Variants in BTNL2 observed in about 807,000 individuals in gnomAD.
BTNL2 encodes the protein butyrophilin-like protein 2.
Under a neutral mutation model 46.8 loss-of-function variants are expected in BTNL2, and 46 were observed. The observed-to-expected ratio is 0.98, with a 90% CI of 0.78 to 1.26. BTNL2 has a LOEUF of 1.26. Among genes scored for constraint, BTNL2 ranks in the 50% most tolerant of loss-of-function variants. The pLI is 0.00. For missense variants in BTNL2, 461 were observed against 592.6 expected (o/e 0.78, Z 2.31); for synonymous variants, 226 against 229.1 (o/e 0.99, Z 0.12).
At position 32,396,298 on chromosome 6, in the gene BTNL2, C is replaced by A. The variant is rs987041303; in HGVS notation, c.819G>T (p.Ala273=). 5 of 1,612,916 alleles carry A rather than the reference C, an allele frequency of 3.1e-6. No homozygotes were observed. The Admixed American group carries it at 5.0e-5, about 16-fold the overall frequency. ...IQLTCYLSPK[A]NAQSMEVRWD... ...ACCTCACCTCCATGCTCTGTGCATTCGCCTTGGGGGACAGGTAACAGGTTA... is the reference window on the plus strand; with the variant it reads ...ACCTCACCTCCATGCTCTGTGCATTAGCCTTGGGGGACAGGTAACAGGTTA... Residue 273 remains alanine, a synonymous_variant, in exon 5 of 8, where the codon GCG becomes GCT. Transcript: ENST00000454136. This position sits in a 1 kb window ranked among gnomAD's most constrained non-coding sequence, Gnocchi z 4.4.
chr6:32,396,491 G>C lies in BTNL2; in HGVS notation c.731-105C>G. ...GAGTTTAGAAACCATGAGCATCCCAGGGTTGCTGTGAGGCTCAGGGTCATC... is the reference window on the plus strand; with the variant it reads ...GAGTTTAGAAACCATGAGCATCCCACGGTTGCTGTGAGGCTCAGGGTCATC... On this transcript the variant is annotated intron_variant, in intron 4 of 7. Coordinates refer to ENST00000454136, the MANE Select transcript of BTNL2 (RefSeq NM_001304561.2). This position sits in a 1 kb window ranked among gnomAD's most constrained non-coding sequence, Gnocchi z 4.4. 8.6e-7 allele frequency: 1 copy of C among 1,163,482 alleles called. No individual in the cohort carries two copies. Among genetic ancestry groups the C allele is most frequent in the Non-Finnish European group, 1.2e-6 (1 of 807,506 alleles). The allele number at this position is 1,163,482 out of a possible 1,614,324, so 72.1% of individuals were successfully genotyped here.
rs899790495 is a variant in BTNL2 at position 32,396,900 on chromosome 6, A to T, written c.731-514T>A. Among the ~76,000 whole-genome samples the T allele has an allele frequency of 5.3e-5, 8 of 152,064 alleles. No homozygotes were observed. The highest frequency in any genetic ancestry group is 1.9e-4 in the African/African-American group (8 of 41,444). On this transcript the variant is annotated intron_variant, in intron 4 of 7. Transcript: ENST00000454136. This position sits in a 1 kb window ranked among gnomAD's most constrained non-coding sequence, Gnocchi z 4.4. ...GAGGCTGAGGTGGAAAAATTGCTCG[A>T]ACCCGGGAGGCAGAGGTTGCAGTGA...
chr6:32,395,909 G>A, intron 5 of BTNL2, 130 bp downstream of exon 5: 1 of 716,532 alleles, frequency 1.4e-6, no homozygotes, highest in African/African-American at 1.8e-5. Flanking sequence ...CACACTGGAG[G>A]ATTTGATATA....
chr6:32,404,822 C>A, intron 2 of BTNL2, 117 bp downstream of exon 2: 1 of 971,008 alleles, frequency 1.0e-6, no homozygotes, highest in Non-Finnish European at 1.6e-6. Flanking sequence ...GGGTAGAGGA[C>A]TAAGCATTAG....
intron 4 of BTNL2, among the ~76,000 whole-genome samples, chr6:32,401,207 CAAAAAAAAAAA>C (rs9279632): frequency 1.5e-4 from 6 of 38,918 alleles, no homozygotes; most frequent in Non-Finnish European, 2.4e-4. Flanking sequence ...GACTCCGTCT[CAAAAAAAAAAA>C]AAAAAAAAAA....
chr6:32,398,905 A>G (rs117476307), intron 4 of BTNL2, among the ~76,000 whole-genome samples: 2,533 of 150,336 alleles, frequency 0.017, 74 homozygotes, highest in East Asian at 0.11. Context: ...CTTGGGAGCC[A>G]CTATGCCTAA....
chr6:32,396,250 A>G lies in BTNL2; in HGVS notation c.867T>C (p.Pro289=), dbSNP rs1327028788. The G allele has an allele frequency of 6.2e-7, 1 of 1,613,096 alleles. No homozygotes were observed. The highest frequency in any genetic ancestry group is 1.3e-5 in the African/African-American group (1 of 75,058). The change falls in exon 5 of 8, where the codon CCT becomes CCC. Residue 289 remains proline, a synonymous_variant. Transcript: ENST00000454136. The surrounding 1 kb of genome is among the most constrained non-coding windows in gnomAD (Gnocchi z 4.4). ...EVRWDRSHRY[P]AVHVYMDGDH... ...CCCCATCCATATACACATGCACAGC[A>G]GGGTAACGGTGGGATCGGTCCCACC...
At chr6:32,404,542 T>G (rs1776992970) in intron 2 of BTNL2, among the ~76,000 whole-genome samples, 1 of 152,234 alleles carries the variant, frequency 6.6e-6, no homozygotes, top group Non-Finnish European at 1.5e-5. Flanking sequence ...ACGTCTCAGT[T>G]TCTGCATAGA....
rs1169742564 is a variant in BTNL2, at chr6:32,396,616, T to G, written c.731-230A>C. On this transcript the variant is annotated intron_variant, in intron 4 of 7. Transcript: ENST00000454136. This position sits in a 1 kb window ranked among gnomAD's most constrained non-coding sequence, Gnocchi z 4.4. ...GTGTCAGTCTGAGTAAAACAGTAAT[T>G]GAATCCCTACCTGCTTCTACCTGTA... Among the ~76,000 whole-genome samples the G allele has an allele frequency of 6.6e-6, 1 of 152,126 alleles. No individual in the cohort carries two copies. The highest frequency in any genetic ancestry group is 1.5e-5 in the Non-Finnish European group (1 of 68,002).
At chr6:32,400,912 CA>C (rs760395296) in intron 4 of BTNL2, among the ~76,000 whole-genome samples, 8,097 of 93,626 alleles carry the variant, frequency 0.086, 439 homozygotes, top group Admixed American at 0.12. Context: ...GACTCCGTCT[CA>C]AAAAAAAAAA....
At position 32,405,023 on chromosome 6, in the gene BTNL2, G is replaced by A; in HGVS notation, c.343C>T (p.Gln115Ter). 1 of 1,613,060 alleles carries A rather than the reference G, an allele frequency of 6.2e-7. No individual in the cohort carries two copies. The highest frequency in any genetic ancestry group is 2.2e-5 in the East Asian group (1 of 44,878). ...GNVALKIHNI[Q>*]PSDNGQYWCH... ...CAGTATTGTCCATTGTCGGAGGGCT[G>A]GATGTTGTGTATCTTCAGTGCCACA... Residue 115 changes from glutamine to a stop codon, truncating the protein, a stop_gained, in exon 2 of 8, where the codon CAG (glutamine) becomes TAG (stop). Coordinates refer to ENST00000454136, the MANE Select transcript of BTNL2 (RefSeq NM_001304561.2). LOFTEE classifies it high-confidence loss of function.
Position 32,396,817 on chromosome 6 carries a change from C to A in BTNL2, c.731-431G>T, listed in dbSNP as rs1583255148. 6.7e-6 allele frequency among the ~76,000 whole-genome samples: 1 copy of A among 148,488 alleles called. No homozygotes were observed. Among genetic ancestry groups the A allele is most frequent in the South Asian group, 2.6e-4 (1 of 3,890 alleles). The stretch of plus-strand genomic sequence containing the variant: ...CCAACATGGTGAAACCCCGTCTCTA[C>A]AGAAATACAAAAATTAGTCGGGCAT... On this transcript the variant is annotated intron_variant, in intron 4 of 7. Transcript: ENST00000454136. The surrounding 1 kb of genome is among the most constrained non-coding windows in gnomAD (Gnocchi z 4.4).
chr6:32,403,128 C>T lies in BTNL2; in HGVS notation c.516G>A (p.Glu172=). Reference sequence around the variant, plus strand: ...GGATGTCTTCCCAATACACCTGGGGCTCTGGGAACCAGCCCCTTGCAGTGC... The same window carrying T: ...GGATGTCTTCCCAATACACCTGGGGTTCTGGGAACCAGCCCCTTGCAGTGC... ...LVCTARGWFP[E]PQVYWEDIRG... Residue 172 remains glutamate (E), a synonymous_variant, in exon 3 of 8, where the codon GAG becomes GAA. Transcript: ENST00000454136. 6.2e-7 allele frequency: 1 copy of T among 1,612,840 alleles called. No homozygotes were observed. The highest frequency in any genetic ancestry group is 8.5e-7 in the Non-Finnish European group (1 of 1,179,902).
In BTNL2 at chr6:32,396,069, G is replaced by T. The variant is rs1368457419; in HGVS notation, c.1048C>A (p.Gln350Lys). ...ACCTTCAGATCCAAACTGGCCTCCT[G>T]GTAGACATCATCTTTTTCAAAAAGG... ...RCLFEKDDVYQEASLDLKVVS... is the reference protein window; with the variant it reads ...RCLFEKDDVYKEASLDLKVVS... The change falls in exon 5 of 8, where the codon CAG (glutamine) becomes AAG (lysine). Residue 350 changes from glutamine to lysine, a missense_variant. Transcript: ENST00000454136. This position sits in a 1 kb window ranked among gnomAD's most constrained non-coding sequence, Gnocchi z 4.4. 1.2e-6 allele frequency: 2 copies of T among 1,612,878 alleles called. No homozygotes were observed. The highest frequency in any genetic ancestry group is 1.7e-6 in the Non-Finnish European group (2 of 1,179,978).
At position 32,403,030 on chromosome 6, in the gene BTNL2, G is replaced by T. The variant is rs1776882777; in HGVS notation, c.614C>A (p.Thr205Asn). The change falls in exon 3 of 8, where the codon ACC (threonine) becomes AAC (asparagine). Residue 205 changes from threonine (T) to asparagine (N), a missense_variant. Transcript: ENST00000454136. ...TGCAGAGGCGTTCCTGACCACCAGGGTGGCTTCCGCATAGAACAGGCCATC... is the reference window on the plus strand; with the variant it reads ...TGCAGAGGCGTTCCTGACCACCAGGTTGGCTTCCGCATAGAACAGGCCATC... The part of the protein sequence containing the change: ...DKDGLFYAEA[T>N]LVVRNASAES... 1 of 1,612,774 alleles carries T rather than the reference G, an allele frequency of 6.2e-7. No homozygotes were observed. The highest frequency in any genetic ancestry group is 1.7e-5 in the Admixed American group (1 of 60,002).
chr6:32,402,369 G>A (rs1401633925), intron 3 of BTNL2, among the ~76,000 whole-genome samples: 1 of 152,006 alleles, frequency 6.6e-6, no homozygotes, highest in African/African-American at 2.4e-5. Flanking sequence ...TCAATTTATA[G>A]GTAGATGTCA....
chr6:32,395,857 T>C (rs1230007765), intron 5 of BTNL2, among the ~76,000 whole-genome samples, 182 bp downstream of exon 5: 2 of 152,220 alleles, frequency 1.3e-5, no homozygotes, highest in African/African-American at 4.8e-5. Context: ...TTAAATTTCA[T>C]CCATTTGAGT....
At position 32,405,035 on chromosome 6, in the gene BTNL2, T is replaced by A. The variant is rs755828267; in HGVS notation, c.331A>T (p.Ile111Leu). ...GIAKGNVALKIHNIQPSDNGQ... is the reference protein window; with the variant it reads ...GIAKGNVALKLHNIQPSDNGQ... ...TTGTCGGAGGGCTGGATGTTGTGTATCTTCAGTGCCACATTTCCCTTTGCA... is the reference window on the plus strand; with the variant it reads ...TTGTCGGAGGGCTGGATGTTGTGTAACTTCAGTGCCACATTTCCCTTTGCA... Residue 111 changes from isoleucine (I) to leucine (L), a missense_variant, in exon 2 of 8, where the codon ATA (isoleucine) becomes TTA (leucine). Physicochemically the swap from Ile to Leu is conservative, Grantham distance 5. Transcript: ENST00000454136. The A allele has an allele frequency of 9.9e-6, 16 of 1,613,068 alleles. No homozygotes were observed. The highest frequency in any genetic ancestry group is 1.4e-5 in the Non-Finnish European group (16 of 1,180,034).
chr6:32,397,241 T>G (rs1476258922), intron 4 of BTNL2, among the ~76,000 whole-genome samples: 1 of 152,256 alleles, frequency 6.6e-6, no homozygotes, highest in Non-Finnish European at 1.5e-5. Context: ...GAGCTAAGGC[T>G]AACTTAGGAG....
Sources: allele counts gnomAD v4.1 joint callset (sites outside exome capture counted in the v4.1 genomes callset), GRCh38; gene constraint gnomAD v4.1.1; non-coding constraint Gnocchi (gnomAD v3.1); transcripts MANE v1.5; gene names NCBI Gene and HGNC (gene_info 2026-07-23, HGNC 2026-07-21).